The following EDIL3 variants were observed in gnomAD, a reference collection of about 807,000 sequenced individuals.
EDIL3 encodes EGF-like repeat and discoidin I-like domain-containing protein 3.
A neutral mutation model predicts 67.4 loss-of-function variants in EDIL3; 37 were observed. The observed-to-expected ratio is 0.55, with a 90% CI of 0.42 to 0.72. The LOEUF is 0.72. EDIL3 is among the 30% of genes least tolerant of loss of function. The probability of loss-of-function intolerance (pLI) is 0.00; values close to 1 mark genes in which losing one functional copy is unlikely to be tolerated. For synonymous variants in EDIL3, 195 were observed against 196.3 expected, an observed-to-expected ratio of 0.99 and a Z score of 0.05; for missense variants, 527 against 586.3, an observed-to-expected ratio of 0.90 and a Z score of 1.04.
intron 4 of EDIL3, 48 bp from the exon 5 acceptor site, chr5:84,137,402 G>T: frequency 6.6e-7 from 1 of 1,522,404 alleles, no homozygotes; most frequent in East Asian, 2.3e-5. Flanking sequence ...GGTAAAAAAT[G>T]ATTAGATATT....
chr5:84,039,457 A>G (rs1746081110), intron 9 of EDIL3, among the ~76,000 whole-genome samples: 1 of 152,212 alleles, frequency 6.6e-6, no homozygotes, highest in Admixed American at 6.6e-5. Flanking sequence ...AGTCAATTTA[A>G]GCATATTTGC....
rs1745102270 is a variant in EDIL3, at chr5:84,255,132, A to C, written c.68-920T>G. Reference sequence around the variant, plus strand: ...GATGAGCTAAATAAAGAACCAGTCCATTTGAAAGTAAAGGGAAGTAGTATA... The same window carrying C: ...GATGAGCTAAATAAAGAACCAGTCCCTTTGAAAGTAAAGGGAAGTAGTATA... On this transcript the variant is annotated intron_variant, in intron 1 of 10. Coordinates refer to ENST00000296591, the MANE Select transcript of EDIL3 (RefSeq NM_005711.5). Among the ~76,000 whole-genome samples, 2 of 152,182 alleles carry C rather than the reference A, an allele frequency of 1.3e-5. 1 individual carries two copies. Among genetic ancestry groups the C allele is most frequent in the South Asian group, 4.1e-4 (2 of 4,822 alleles).
At chr5:84,374,128 G>A (rs955517414) in intron 1 of EDIL3, among the ~76,000 whole-genome samples, 3 of 151,638 alleles carry the variant, frequency 2.0e-5, no homozygotes, top group African/African-American at 7.3e-5. Context: ...AAGTGTTAAT[G>A]TTGAGAAGCA....
intron 1 of EDIL3, among the ~76,000 whole-genome samples, chr5:84,272,395 C>T (rs982465124): frequency 6.6e-6 from 1 of 151,920 alleles, no homozygotes; most frequent in Non-Finnish European, 1.5e-5. Context: ...AAAATATACG[C>T]TAAAGTCCTT....
intron 6 of EDIL3, among the ~76,000 whole-genome samples, chr5:84,075,898 A>G (rs933425533): frequency 6.7e-5 from 10 of 148,946 alleles, no homozygotes; most frequent in Non-Finnish European, 1.3e-4. Context: ...ACGCACACAC[A>G]CACACACACA....
In EDIL3 at chr5:83,963,033, C is replaced by A. The variant is rs191924644; in HGVS notation, c.1293+172G>T. On this transcript the variant is annotated intron_variant, in intron 10 of 10. Transcript: ENST00000296591. The stretch of plus-strand genomic sequence containing the variant: ...TCCTCTAGGTTGCACCATTGCATAC[C>A]AGACTGCAACCCCTTTACAGTACTA... Among the ~76,000 whole-genome samples the A allele has an allele frequency of 2.9e-3, 434 of 151,664 alleles. 1 individual carries two copies. Among genetic ancestry groups the A allele is most frequent in the African/African-American group, 9.8e-3 (408 of 41,482 alleles).
intron 3 of EDIL3, among the ~76,000 whole-genome samples, chr5:84,208,231 G>A (rs993301281): frequency 3.3e-5 from 5 of 152,002 alleles, no homozygotes; most frequent in Non-Finnish European, 7.4e-5. Context: ...TCAAAAAGTG[G>A]GCAAAGGACA....
At chr5:84,013,125 A>G (rs1414206357) in intron 9 of EDIL3, among the ~76,000 whole-genome samples, 1 of 151,946 alleles carries the variant, frequency 6.6e-6, no homozygotes, top group Non-Finnish European at 1.5e-5. Flanking sequence ...CACTTATTTT[A>G]TTTCTAGGAA....
intron 2 of EDIL3, among the ~76,000 whole-genome samples, chr5:84,235,580 T>G (rs1362280062): frequency 6.6e-6 from 1 of 152,066 alleles, no homozygotes; most frequent in Non-Finnish European, 1.5e-5. Context: ...AGCATTTTTT[T>G]GCTCACCATT....
At chr5:84,028,250 A>G (rs1745854021) in intron 9 of EDIL3, among the ~76,000 whole-genome samples, 1 of 151,966 alleles carries the variant, frequency 6.6e-6, no homozygotes, top group South Asian at 2.1e-4. Flanking sequence ...TATTTTCCTA[A>G]CTGGTCTTCC....
intron 4 of EDIL3, among the ~76,000 whole-genome samples, chr5:84,143,948 A>T (rs1748248615): frequency 6.6e-6 from 1 of 152,086 alleles, no homozygotes; most frequent in South Asian, 2.1e-4. Flanking sequence ...GTACTGTACC[A>T]GTGAGTCCCT....
chr5:84,293,349 C>T (rs566173837), intron 1 of EDIL3, among the ~76,000 whole-genome samples: 22 of 152,102 alleles, frequency 1.4e-4, no homozygotes, highest in Non-Finnish European at 2.1e-4. Context: ...AGTTGGGTAA[C>T]GTAAGATGGC....
chr5:84,384,387 CG>C lies in EDIL3; in HGVS notation c.-14del. 1.9e-6 allele frequency: 3 copies of C among 1,611,956 alleles called. No homozygotes were observed. In the South Asian group the frequency reaches 3.3e-5, roughly 18 times the overall value. On this transcript the variant is annotated 5_prime_UTR_variant, in exon 1 of 11. Coordinates refer to ENST00000296591, the MANE Select transcript of EDIL3 (RefSeq NM_005711.5). ...CCGAGCGCTTCATGATCCCGTCTCC[CG>C]GACGTGACCCCGGCTGGTCAGGGGT...
intron 3 of EDIL3, chr5:84,196,950 C>A (rs181299095): frequency 1.7e-4 from 26 of 152,022 alleles, no homozygotes; most frequent in African/African-American, 5.3e-4. Context: ...GGTTCCTACA[C>A]AAGGAAGTAA....
In EDIL3 at chr5:84,064,700, C is replaced by T. The variant is rs1455340140; in HGVS notation, c.952G>A (p.Gly318Ser). Residue 318 changes from glycine (G) to serine (S), a missense_variant and splice_region_variant, in exon 8 of 11, where the codon GGT (glycine) becomes AGT (serine). By Grantham distance (56) the Gly-to-Ser change is moderately conservative (BLOSUM62 0). Transcript: ENST00000296591. ...CAGAAATAGTTAATTTGAGACTTAC[C>T]CGACAGTTCACAGCCAAGAAGTTCC... The part of the protein sequence containing the change: ...RMELLGCELS[G>S]CSEPLGMKSG... 1 of 1,609,790 alleles carries T rather than the reference C, an allele frequency of 6.2e-7. No homozygotes were observed. Among genetic ancestry groups the T allele is most frequent in the African/African-American group, 1.3e-5 (1 of 74,794 alleles).
At chr5:84,331,930 G>C (rs1050449635) in intron 1 of EDIL3, among the ~76,000 whole-genome samples, 8 of 152,152 alleles carry the variant, frequency 5.3e-5, no homozygotes, top group African/African-American at 1.9e-4. Context: ...CCTAGAGTTA[G>C]GGGCAAATTG....
At chr5:84,072,536 G>C (rs1330498039) in intron 6 of EDIL3, among the ~76,000 whole-genome samples, 1 of 152,100 alleles carries the variant, frequency 6.6e-6, no homozygotes, top group Non-Finnish European at 1.5e-5. Context: ...ATAGTGTAAT[G>C]ACATCATATT....
chr5:84,121,678 T>C (rs1747778653), intron 5 of EDIL3, among the ~76,000 whole-genome samples: 2 of 151,934 alleles, frequency 1.3e-5, no homozygotes. Context: ...CTGCAAACCT[T>C]AGACTGAATT....
At chr5:84,257,609 T>A (rs147287263) in intron 1 of EDIL3, among the ~76,000 whole-genome samples, 10 of 152,180 alleles carry the variant, frequency 6.6e-5, no homozygotes, top group African/African-American at 2.4e-4. Flanking sequence ...CCTGGATGAT[T>A]GAGTAGCCAT....
Sources: gnomAD v4.1 joint callset for allele counts (sites outside exome capture counted in the v4.1 genomes callset) on GRCh38, gnomAD v4.1.1 for gene constraint, MANE v1.5 for transcripts, NCBI Gene and HGNC (gene_info 2026-07-23, HGNC 2026-07-21) for gene names.